COX10: variants seen among roughly 807,000 people sequenced by gnomAD.
COX10 encodes the protein protoheme IX farnesyltransferase, mitochondrial.
Under a neutral mutation model 37.3 loss-of-function variants are expected in COX10, and 27 were observed. The ratio of observed to expected loss-of-function variants is 0.72; its 90% CI spans 0.53 to 1.00. COX10 has a LOEUF of 1.00. COX10 is among the 50% of genes least tolerant of loss of function. The pLI is 0.00. For missense variants in COX10, 475 were observed against 563.2 expected (o/e 0.84, Z 1.59); for synonymous variants, 222 against 229.1 (o/e 0.97, Z 0.28).
intron 3 of COX10, 65 bp from the exon 4 acceptor site, chr17:14,102,053 G>A (rs1463374967): frequency 1.2e-5 from 20 of 1,606,878 alleles, no homozygotes; most frequent in South Asian, 6.6e-5. Context: ...GTTTTTTGTC[G>A]TTCTGGCCTT....
At chr17:14,150,283 G>GA (rs1019207005) in intron 4 of COX10, among the ~76,000 whole-genome samples, 2 of 151,702 alleles carry the variant, frequency 1.3e-5, no homozygotes, top group African/African-American at 2.4e-5. Flanking sequence ...AAAAAAAAAG[G>GA]AAAAAAAAGT....
rs914289755 is a variant in COX10, at chr17:14,198,218, A to C, written c.928+5997A>C. ...TCCACTCTGAGGAGGTAGGGGAGGG[A>C]GGGGACTGCAGATAAGTGCCCAGCC... On this transcript the variant is annotated intron_variant, in intron 6 of 6. Coordinates refer to ENST00000261643, the MANE Select transcript of COX10 (RefSeq NM_001303.4). Among the ~76,000 whole-genome samples the C allele has an allele frequency of 7.9e-5, 12 of 152,030 alleles. No individual in the cohort carries two copies. The East Asian group carries it at 2.1e-3, about 27-fold the overall frequency.
chr17:14,186,166 A>G (rs1906019333), intron 5 of COX10, among the ~76,000 whole-genome samples: 2 of 152,204 alleles, frequency 1.3e-5, no homozygotes, highest in Admixed American at 1.3e-4. Context: ...GCTGACTTCC[A>G]CATGGCAGGC....
intron 6 of COX10, among the ~76,000 whole-genome samples, chr17:14,192,432 C>T (rs1906235456): frequency 6.6e-6 from 1 of 152,188 alleles, no homozygotes; most frequent in Admixed American, 6.5e-5. Context: ...TACACTTTCC[C>T]TTATAGGGAA....
At chr17:14,116,714 T>C (rs1916121931) in intron 4 of COX10, among the ~76,000 whole-genome samples, 2 of 152,314 alleles carry the variant, frequency 1.3e-5, no homozygotes, top group Middle Eastern at 6.8e-3. Context: ...GATTAGAGGA[T>C]GGCTGGATTT....
At chr17:14,073,709 A>G (rs1345395587) in intron 1 of COX10, among the ~76,000 whole-genome samples, 1 of 152,212 alleles carries the variant, frequency 6.6e-6, no homozygotes, top group African/African-American at 2.4e-5. Context: ...GAGAATCTGT[A>G]GTGTTCTATG....
intron 6 of COX10, among the ~76,000 whole-genome samples, chr17:14,197,851 A>G (rs1472129595): frequency 2.0e-5 from 3 of 152,246 alleles, no homozygotes; most frequent in Admixed American, 1.3e-4. Flanking sequence ...GCTTCTGTGC[A>G]CAGGAAATAA....
intron 3 of COX10, among the ~76,000 whole-genome samples, chr17:14,100,510 A>G (rs1442740161): frequency 6.6e-6 from 1 of 152,148 alleles, no homozygotes; most frequent in African/African-American, 2.4e-5. Flanking sequence ...TAGTATTTCC[A>G]ATGGGATCTG....
chr17:14,093,079 C>T (rs1915563500), intron 3 of COX10, among the ~76,000 whole-genome samples: 1 of 152,134 alleles, frequency 6.6e-6, no homozygotes. Flanking sequence ...TACAGTGTTG[C>T]ATAGTATCTG....
In COX10 at chr17:14,074,451, C is replaced by T. The variant is rs746158624; in HGVS notation, c.172C>T (p.Arg58Cys). 4.6e-5 allele frequency: 74 copies of T among 1,612,828 alleles called. No homozygotes were observed. The East Asian group carries it at 6.7e-4, about 15-fold the overall frequency. The change falls in exon 2 of 7, where the codon CGC (arginine) becomes TGC (cysteine). Residue 58 changes from arginine (R) to cysteine (C), a missense_variant. Coordinates refer to ENST00000261643, the MANE Select transcript of COX10 (RefSeq NM_001303.4). Reference protein sequence around the residue: ...ITFQHFSFLKRMYVTQLNRSH... With the variant: ...ITFQHFSFLKCMYVTQLNRSH... ...ATTTCAGCACTTTAGCTTCCTCAAACGCATGGTATGTTTAGAAGACCATTC... is the reference window on the plus strand; with the variant it reads ...ATTTCAGCACTTTAGCTTCCTCAAATGCATGGTATGTTTAGAAGACCATTC...
At position 14,182,784 on chromosome 17, in the gene COX10, G is replaced by A. The variant is rs1476816208; in HGVS notation, c.696-9205G>A. The stretch of plus-strand genomic sequence containing the variant: ...TAATTTTTGTCTAAACTAATTACCT[G>A]CAGAGCTGCTCAAAATATAAAGCTT... On this transcript the variant is annotated intron_variant, in intron 5 of 6. Transcript: ENST00000261643. Among the ~76,000 whole-genome samples the A allele has an allele frequency of 2.6e-5, 4 of 151,276 alleles. No individual in the cohort carries two copies. The East Asian group carries it at 7.8e-4, about 29-fold the overall frequency.
chr17:14,115,874 G>A (rs1467471887), intron 4 of COX10, among the ~76,000 whole-genome samples: 3 of 152,112 alleles, frequency 2.0e-5, no homozygotes, highest in African/African-American at 4.8e-5. Context: ...ATTCAAAAGG[G>A]TGACAGGGTT....
At chr17:14,155,967 A>G (rs897101033) in intron 4 of COX10, among the ~76,000 whole-genome samples, 1 of 152,052 alleles carries the variant, frequency 6.6e-6, no homozygotes, top group Non-Finnish European at 1.5e-5. Context: ...TACACAGCAG[A>G]GTCATGGCAC....
In COX10 at chr17:14,102,209, C is replaced by A. The variant is rs1915799050; in HGVS notation, c.591C>A (p.Gly197=). 1 of 1,613,700 alleles carries A rather than the reference C, an allele frequency of 6.2e-7. No homozygotes were observed. The highest frequency in any genetic ancestry group is 8.5e-7 in the Non-Finnish European group (1 of 1,179,708). Residue 197 remains glycine (G), a synonymous_variant, in exon 4 of 7, where the codon GGC becomes GGA. Coordinates refer to ENST00000261643, the MANE Select transcript of COX10 (RefSeq NM_001303.4). ...PCFLLTSVGT[G]LASCAANSIN... ...TCCTGCTTACTTCTGTTGGGACAGG[C>A]CTTGCATCCTGTGCTGCCAACTCCA...
chr17:14,148,788 G>C (rs1273680894), intron 4 of COX10, among the ~76,000 whole-genome samples: 1 of 151,914 alleles, frequency 6.6e-6, no homozygotes, highest in Non-Finnish European at 1.5e-5. Flanking sequence ...TTTGTTATCT[G>C]TGTCATTTTG....
intron 6 of COX10, among the ~76,000 whole-genome samples, chr17:14,196,184 A>G (rs1414748690): frequency 6.6e-6 from 1 of 152,200 alleles, no homozygotes; most frequent in Admixed American, 6.5e-5. Context: ...GCAAGTGTCA[A>G]CTGGGGACCT....
intron 5 of COX10, among the ~76,000 whole-genome samples, chr17:14,161,300 C>A (rs896379950): frequency 2.6e-5 from 4 of 152,144 alleles, no homozygotes; most frequent in Non-Finnish European, 5.9e-5. Flanking sequence ...GATCAAAATT[C>A]CTAAAGTCTA....
rs1032412775 is a variant in COX10 at position 14,084,509 on chromosome 17, C to T, written c.499+7453C>T. On this transcript the variant is annotated intron_variant, in intron 3 of 6. Coordinates refer to ENST00000261643, the MANE Select transcript of COX10 (RefSeq NM_001303.4). ...TATACGATCGTAGCGTAAATGCCTT[C>T]TGTGACTGAAAAAAATTAATATTCT... Among the ~76,000 whole-genome samples, 96 of 152,104 alleles carry T rather than the reference C, an allele frequency of 6.3e-4. 2 individuals carry two copies. Among genetic ancestry groups the T allele is most frequent in the Non-Finnish European group, 5.4e-4 (37 of 68,022 alleles).
At chr17:14,157,114 TTTAAC>T (rs1905057167) in intron 4 of COX10, among the ~76,000 whole-genome samples, 1 of 152,216 alleles carries the variant, frequency 6.6e-6, no homozygotes, top group African/African-American at 2.4e-5. Context: ...ATAATCTTCT[TTTAAC>T]TTACTTTCCC....
Sources: gnomAD v4.1 joint callset for allele counts (sites outside exome capture counted in the v4.1 genomes callset) on GRCh38, gnomAD v4.1.1 for gene constraint, MANE v1.5 for transcripts, NCBI Gene and HGNC (gene_info 2026-07-23, HGNC 2026-07-21) for gene names.